The following CCDC192 variants were observed in gnomAD, a reference collection of about 807,000 sequenced individuals.
CCDC192 encodes coiled-coil domain-containing protein 192.
intron 6 of CCDC192, among the ~76,000 whole-genome samples, chr5:127,930,059 C>T (rs1229854382): frequency 1.3e-5 from 2 of 152,098 alleles, no homozygotes; most frequent in South Asian, 2.1e-4. Flanking sequence ...CAAAGTTAGC[C>T]AGGTGTGGTG....
chr5:127,800,396 AAAAAACAAC>A (rs1303518998), intron 5 of CCDC192, among the ~76,000 whole-genome samples: 19 of 127,962 alleles, frequency 1.5e-4, no homozygotes, highest in South Asian at 3.0e-4. Context: ...AAAAAAAAAA[AAAAAACAAC>A]AACAACAAAA....
chr5:127,802,376 A>G (rs768377920), intron 5 of CCDC192, among the ~76,000 whole-genome samples: 17 of 152,144 alleles, frequency 1.1e-4, no homozygotes, highest in Non-Finnish European at 2.4e-4. Context: ...CCTCCTGACC[A>G]TGGCATTTAT....
chr5:127,874,345 T>C (rs1485150098), intron 5 of CCDC192, among the ~76,000 whole-genome samples: 1 of 152,194 alleles, frequency 6.6e-6, no homozygotes, highest in Non-Finnish European at 1.5e-5. Flanking sequence ...TCTTCCTGTT[T>C]GGGGTCTAGA....
intron 3 of CCDC192, among the ~76,000 whole-genome samples, chr5:127,764,161 A>G (rs1420625371): frequency 1.3e-5 from 2 of 152,162 alleles, no homozygotes; most frequent in Non-Finnish European, 2.9e-5. Context: ...GTTGACCCCT[A>G]CACAAGGAGG....
At chr5:127,940,765 A>C (rs2126347270) in intron 6 of CCDC192, 1 of 153,442 alleles carries the variant, frequency 6.5e-6, no homozygotes, top group South Asian at 2.1e-4. Context: ...TTTTATTTTC[A>C]ATTGAATTAG....
chr5:127,844,012 T>C (rs902972127), intron 5 of CCDC192, among the ~76,000 whole-genome samples: 6 of 152,244 alleles, frequency 3.9e-5, no homozygotes, highest in African/African-American at 1.4e-4. Flanking sequence ...GCTATTTTTA[T>C]AGATTTTAAT....
At chr5:127,713,682 T>C (rs896670377) in intron 2 of CCDC192, among the ~76,000 whole-genome samples, 1 of 152,206 alleles carries the variant, frequency 6.6e-6, no homozygotes, top group Non-Finnish European at 1.5e-5. Flanking sequence ...TGTTATACTT[T>C]TAGGGATTTT....
At chr5:127,759,698 T>C (rs965270822) in intron 3 of CCDC192, among the ~76,000 whole-genome samples, 1 of 152,240 alleles carries the variant, frequency 6.6e-6, no homozygotes, top group Admixed American at 6.5e-5. Flanking sequence ...TAGTTCTCTT[T>C]ATGCCTTCAG....
intron 6 of CCDC192, among the ~76,000 whole-genome samples, chr5:127,934,299 T>A (rs1189513602): frequency 6.6e-6 from 1 of 152,228 alleles, no homozygotes; most frequent in Non-Finnish European, 1.5e-5. Context: ...CATCTCGAAT[T>A]TTTCCTCTAA....
intron 2 of CCDC192, among the ~76,000 whole-genome samples, chr5:127,709,190 GTGGAGAGA>G (rs1242717855): frequency 4.7e-4 from 40 of 84,784 alleles, no homozygotes; most frequent in African/African-American, 1.7e-3. Context: ...GGGGAGAGAG[GTGGAGAGA>G]GGGGGAGAGA....
chr5:127,800,376 GAAAAAAAA>G (rs1168212422), intron 5 of CCDC192, among the ~76,000 whole-genome samples: 1 of 19,512 alleles, frequency 5.1e-5, no homozygotes, highest in Admixed American at 8.9e-4. Context: ...GAGGTATTCT[GAAAAAAAA>G]AAAAAAAAAA....
chr5:127,805,837 T>G (rs1034128946), intron 5 of CCDC192, among the ~76,000 whole-genome samples: 1 of 152,216 alleles, frequency 6.6e-6, no homozygotes, highest in East Asian at 1.9e-4. Flanking sequence ...TTTTAACCCT[T>G]TATGTCATTA....
chr5:127,834,677 C>T (rs531163171), intron 5 of CCDC192, among the ~76,000 whole-genome samples: 11 of 152,286 alleles, frequency 7.2e-5, no homozygotes, highest in Admixed American at 3.9e-4. Flanking sequence ...GCAACTGTTG[C>T]GTGCAAACAC....
chr5:127,906,797 C>A (rs1458227225), intron 6 of CCDC192, among the ~76,000 whole-genome samples: 1 of 152,020 alleles, frequency 6.6e-6, no homozygotes, highest in African/African-American at 2.4e-5. Flanking sequence ...AAAAAAAACC[C>A]CAACAAAAAC....
intron 3 of CCDC192, among the ~76,000 whole-genome samples, chr5:127,782,551 G>T (rs1415919125): frequency 6.6e-6 from 1 of 151,936 alleles, no homozygotes; most frequent in Non-Finnish European, 1.5e-5. Context: ...TAGGAAGGTT[G>T]TATCTTTCCA....
chr5:127,858,266 A>G (rs1436310360), intron 5 of CCDC192, among the ~76,000 whole-genome samples: 2 of 151,740 alleles, frequency 1.3e-5, no homozygotes, highest in African/African-American at 2.4e-5. Flanking sequence ...GCAGACTCCC[A>G]CTCTCTCTGC....
At chr5:127,729,828 C>A (rs1752538160) in intron 2 of CCDC192, among the ~76,000 whole-genome samples, 1 of 152,104 alleles carries the variant, frequency 6.6e-6, no homozygotes, top group Admixed American at 6.6e-5. Flanking sequence ...CCAATGATAA[C>A]AAAGAAACAG....
intron 3 of CCDC192, among the ~76,000 whole-genome samples, chr5:127,773,752 G>A (rs1755694469): frequency 6.6e-6 from 1 of 152,138 alleles, no homozygotes; most frequent in Non-Finnish European, 1.5e-5. Context: ...GTGGGTGTAA[G>A]TGTTCATTTC....
chr5:127,848,078 ATT>A (rs199865594), intron 5 of CCDC192, among the ~76,000 whole-genome samples: 1 of 149,160 alleles, frequency 6.7e-6, no homozygotes, highest in Non-Finnish European at 1.5e-5. Flanking sequence ...GATTACAGTG[ATT>A]TTTTTTTTAA....
Sources: allele counts gnomAD v4.1 joint callset (sites outside exome capture counted in the v4.1 genomes callset), GRCh38; gene constraint gnomAD v4.1.1; transcripts MANE v1.5; gene names NCBI Gene and HGNC (gene_info 2026-07-23, HGNC 2026-07-21).